XKR9: variants seen among roughly 807,000 people sequenced by gnomAD.
XKR9 encodes the protein XK related 9, also known as XK-related protein 9.
Under a neutral mutation model 32.0 loss-of-function variants are expected in XKR9, and 32 were observed. The observed-to-expected ratio is 1.00, with a 90% confidence interval of 0.76 to 1.34. XKR9 has a LOEUF of 1.34. XKR9 is among the 40% of genes most tolerant of loss of function. The pLI, the probability that XKR9 is intolerant of heterozygous loss-of-function variation, is 0.00. For missense variants in XKR9, 546 were observed against 429.7 expected, an observed-to-expected ratio of 1.27 and a Z score of -2.39; for synonymous variants, 168 against 143.4, an observed-to-expected ratio of 1.17 and a Z score of -1.22.
the XKR9 span, among the ~76,000 whole-genome samples, chr8:70,809,397 T>A: frequency 6.6e-6 from 1 of 152,142 alleles, no homozygotes; most frequent in Non-Finnish European, 1.5e-5. Flanking sequence ...CCTCTCCTCC[T>A]CCAAAGGAAC....
the XKR9 span, among the ~76,000 whole-genome samples, chr8:70,893,155 C>G: frequency 2.0e-5 from 3 of 152,056 alleles, no homozygotes; most frequent in Non-Finnish European, 4.4e-5. Flanking sequence ...CTTCATTCAT[C>G]AAATTATTCA....
the XKR9 span, among the ~76,000 whole-genome samples, chr8:70,837,266 G>C: frequency 1.3e-5 from 2 of 152,082 alleles, no homozygotes; most frequent in African/African-American, 2.4e-5. Flanking sequence ...CTTAGAGAAG[G>C]TGAGGCTTAG....
At chr8:70,791,839 A>C (rs1212646253), downstream of XKR9, among the ~76,000 whole-genome samples, 1 of 152,012 alleles carries the variant, frequency 6.6e-6, no homozygotes, top group Non-Finnish European at 1.5e-5. Context: ...ACAATACCTA[A>C]AATTTATTAG....
At chr8:70,899,346 T>G in the XKR9 span, among the ~76,000 whole-genome samples, 1 of 152,098 alleles carries the variant, frequency 6.6e-6, no homozygotes, top group Admixed American at 6.6e-5. Context: ...GTGACTTTAA[T>G]GAGAAAACAA....
At chr8:70,854,884 T>C in the XKR9 span, among the ~76,000 whole-genome samples, 1 of 152,316 alleles carries the variant, frequency 6.6e-6, no homozygotes, top group Admixed American at 6.5e-5. Flanking sequence ...GGTTTATATC[T>C]CTGTTTTGAT....
chr8:70,844,289 G>A, the XKR9 span, among the ~76,000 whole-genome samples: 45 of 152,168 alleles, frequency 3.0e-4, no homozygotes, highest in Admixed American at 5.9e-4. Flanking sequence ...TTGCCACCAT[G>A]TACTTGCATA....
chr8:70,915,371 G>T, the XKR9 span, among the ~76,000 whole-genome samples: 4 of 152,004 alleles, frequency 2.6e-5, no homozygotes, highest in Non-Finnish European at 5.9e-5. Flanking sequence ...TAGGGAAGGG[G>T]CTATTATCAT....
At chr8:71,020,351 G>C in the XKR9 span, among the ~76,000 whole-genome samples, 65,851 of 152,000 alleles carry the variant, frequency 0.43, 15,316 homozygotes, top group Non-Finnish European at 0.53. Context: ...CTAACATCAA[G>C]TAGCTTCTTG....
chr8:70,909,703 C>T, the XKR9 span, among the ~76,000 whole-genome samples: 1 of 91,204 alleles, frequency 1.1e-5, no homozygotes, highest in Admixed American at 1.4e-4. Context: ...TCGATTTATC[C>T]TTTTTTTTTT....
the XKR9 span, among the ~76,000 whole-genome samples, chr8:71,046,588 G>T: frequency 2.6e-5 from 4 of 152,184 alleles, no homozygotes; most frequent in Admixed American, 2.6e-4. Context: ...ACAAATTGCT[G>T]AAGTGGGTGG....
the XKR9 span, among the ~76,000 whole-genome samples, chr8:70,953,994 T>A: frequency 6.6e-6 from 1 of 151,738 alleles, no homozygotes; most frequent in African/African-American, 2.4e-5. Flanking sequence ...AGGGAAAGAG[T>A]CGTAGCAACT....
At chr8:70,894,795 A>G in the XKR9 span, among the ~76,000 whole-genome samples, 1 of 151,940 alleles carries the variant, frequency 6.6e-6, no homozygotes, top group African/African-American at 2.4e-5. Context: ...AAACGACTCC[A>G]CTTCTGCTTG....
At chr8:70,890,563 T>C in the XKR9 span, among the ~76,000 whole-genome samples, 1 of 152,030 alleles carries the variant, frequency 6.6e-6, no homozygotes, top group African/African-American at 2.4e-5. Context: ...GAGATGATCA[T>C]GTGATTTTTG....
rs117570241 is a variant in XKR9, at chr8:70,671,288, A to G, written c.-361+1750A>G. On this transcript the variant is annotated intron_variant, in intron 1 of 4. Coordinates refer to ENST00000408926, the MANE Select transcript of XKR9 (RefSeq NM_001011720.2). ...TGCATGGATTATTTCACTTATCATA[A>G]TCTCTAGTTCCATCCATGTTGCTGA... is the stretch of plus-strand genomic sequence containing the variant. Among the ~76,000 whole-genome samples, 423 of 151,926 alleles carry G rather than the reference A, an allele frequency of 2.8e-3. 11 individuals carry two copies. The East Asian group carries it at 0.069, about 25-fold the overall frequency.
At chr8:71,019,900 C>T in the XKR9 span, among the ~76,000 whole-genome samples, 1 of 152,172 alleles carries the variant, frequency 6.6e-6, no homozygotes, top group African/African-American at 2.4e-5. Flanking sequence ...TGGTTCTTAA[C>T]TGGCCTGGTA....
At chr8:70,723,907 A>T (rs1421464229) in intron 4 of XKR9, among the ~76,000 whole-genome samples, 1 of 136,498 alleles carries the variant, frequency 7.3e-6, no homozygotes, top group Admixed American at 7.3e-5. Flanking sequence ...TTTTTTTGAG[A>T]CGGAGTGTCG....
At chr8:70,754,891 A>G (rs1417421847) in intron 2 of XKR9, among the ~76,000 whole-genome samples, 3 of 152,186 alleles carry the variant, frequency 2.0e-5, no homozygotes, top group Non-Finnish European at 4.4e-5. Flanking sequence ...AGCAATGGCA[A>G]CAAAAGCCAA....
the XKR9 span, among the ~76,000 whole-genome samples, chr8:71,035,603 A>G: frequency 6.6e-6 from 1 of 152,216 alleles, no homozygotes; most frequent in South Asian, 2.1e-4. Context: ...AATTGAGCAC[A>G]TCTATCCTTT....
At chr8:71,010,373 TC>T in the XKR9 span, among the ~76,000 whole-genome samples, 1 of 152,210 alleles carries the variant, frequency 6.6e-6, no homozygotes, top group Admixed American at 6.5e-5. Flanking sequence ...GTAACACAGT[TC>T]CTTTGCATTT....
Sources: gnomAD v4.1 joint callset for allele counts (sites outside exome capture counted in the v4.1 genomes callset) on GRCh38, gnomAD v4.1.1 for gene constraint, MANE v1.5 for transcripts, NCBI Gene and HGNC (gene_info 2026-07-23, HGNC 2026-07-21) for gene names.